The following FAM117B variants were observed in gnomAD, a reference collection of about 807,000 sequenced individuals.
FAM117B encodes the protein protein FAM117B.
Under a neutral mutation model 52.8 loss-of-function variants are expected in FAM117B, and 22 were observed. That is an observed-to-expected ratio of 0.42 (90% CI 0.30 to 0.59). The LOEUF is 0.59. Ranked by LOEUF, FAM117B falls within the 20% of genes least tolerant of loss-of-function variation. The pLI is 0.22. For missense variants in FAM117B, 678 were observed against 802.6 expected, an observed-to-expected ratio of 0.84 and a Z score of 1.88; for synonymous variants, 309 against 324.1, an observed-to-expected ratio of 0.95 and a Z score of 0.50.
intron 1 of FAM117B, among the ~76,000 whole-genome samples, chr2:202,648,965 G>A (rs1171501072): frequency 6.6e-6 from 1 of 151,772 alleles, no homozygotes; most frequent in East Asian, 1.9e-4. Context: ...TGTTGACCAG[G>A]CTGGTCTCGA....
intron 1 of FAM117B, among the ~76,000 whole-genome samples, chr2:202,666,668 CTTTTTTT>C (rs1157457357): frequency 2.4e-5 from 3 of 125,788 alleles, no homozygotes; most frequent in East Asian, 4.4e-4. Context: ...CGTTTCATTT[CTTTTTTT>C]TTTTTTTTTT....
At chr2:202,709,306 G>A (rs1407223168) in intron 2 of FAM117B, among the ~76,000 whole-genome samples, 4 of 151,584 alleles carry the variant, frequency 2.6e-5, no homozygotes, top group East Asian at 3.9e-4. Flanking sequence ...GGGTTCAAGC[G>A]ATTCTCATGT....
intron 2 of FAM117B, among the ~76,000 whole-genome samples, chr2:202,715,541 G>A (rs1359811588): frequency 2.0e-5 from 3 of 150,944 alleles, no homozygotes; most frequent in Non-Finnish European, 3.0e-5. Context: ...GGGCAGAGAC[G>A]CTCCTCACTT....
chr2:202,707,819 A>G (rs543452464), intron 2 of FAM117B, among the ~76,000 whole-genome samples: 180 of 151,150 alleles, frequency 1.2e-3, no homozygotes, highest in Admixed American at 2.6e-3. Flanking sequence ...CCCAGGCTGG[A>G]GTGCAGCAGT....
intron 4 of FAM117B, among the ~76,000 whole-genome samples, chr2:202,754,533 A>G (rs1691771540): frequency 6.6e-6 from 1 of 152,040 alleles, no homozygotes; most frequent in Non-Finnish European, 1.5e-5. Flanking sequence ...CCAGAATATA[A>G]ATAATTATAT....
chr2:202,654,090 A>AGAGG (rs1182810166), intron 1 of FAM117B, among the ~76,000 whole-genome samples: 5 of 145,656 alleles, frequency 3.4e-5, no homozygotes, highest in African/African-American at 5.6e-5. Flanking sequence ...AGAGAGAGAG[A>AGAGG]GAGAGAGTGA....
chr2:202,673,534 G>A (rs1559099222), intron 1 of FAM117B, among the ~76,000 whole-genome samples: 1 of 121,956 alleles, frequency 8.2e-6, no homozygotes, highest in Non-Finnish European at 1.6e-5. Context: ...TGCAACCTCC[G>A]CCTCCTGGGT....
At chr2:202,684,739 A>G (rs1300868326) in intron 1 of FAM117B, among the ~76,000 whole-genome samples, 1 of 152,190 alleles carries the variant, frequency 6.6e-6, no homozygotes, top group African/African-American at 2.4e-5. Context: ...TATATATTAA[A>G]TAAGATGTCT....
At chr2:202,702,754 T>C (rs985963143) in intron 2 of FAM117B, among the ~76,000 whole-genome samples, 15 of 152,134 alleles carry the variant, frequency 9.9e-5, no homozygotes, top group African/African-American at 3.6e-4. Context: ...GGGGTTTCAC[T>C]GTGTTAGCCA....
At chr2:202,725,922 TA>T (rs1037726346) in intron 3 of FAM117B, among the ~76,000 whole-genome samples, 1 of 152,236 alleles carries the variant, frequency 6.6e-6, no homozygotes, top group Admixed American at 6.5e-5. Flanking sequence ...TAAATTGAAA[TA>T]AAAATTAACT....
At chr2:202,686,377 T>C (rs903054110) in intron 1 of FAM117B, among the ~76,000 whole-genome samples, 30 of 152,240 alleles carry the variant, frequency 2.0e-4, no homozygotes, top group Non-Finnish European at 2.4e-4. Context: ...AAGGGAGACT[T>C]ACACTTGTCC....
chr2:202,757,517 C>A, intron 6 of FAM117B, 79 bp downstream of exon 6: 1 of 1,374,752 alleles, frequency 7.3e-7, no homozygotes, highest in Non-Finnish European at 1.0e-6. Flanking sequence ...CATTTTCTAG[C>A]AGAACACACA....
chr2:202,712,912 C>G (rs374986187), intron 2 of FAM117B, among the ~76,000 whole-genome samples: 5 of 152,206 alleles, frequency 3.3e-5, no homozygotes, highest in African/African-American at 7.2e-5. Context: ...AATAAATGAT[C>G]TTTTTAATGT....
chr2:202,648,974 G>A (rs1021929187), intron 1 of FAM117B, among the ~76,000 whole-genome samples: 18 of 151,096 alleles, frequency 1.2e-4, no homozygotes, highest in South Asian at 2.1e-4. Context: ...GGCTGGTCTC[G>A]AGCTCCTGAC....
chr2:202,702,422 A>G (rs956041516), intron 2 of FAM117B, among the ~76,000 whole-genome samples: 13 of 152,110 alleles, frequency 8.5e-5, no homozygotes, highest in Non-Finnish European at 1.9e-4. Context: ...AATAAAATAA[A>G]TAAAAAAGAA....
At chr2:202,670,191 A>T (rs1164416540) in intron 1 of FAM117B, among the ~76,000 whole-genome samples, 1 of 152,230 alleles carries the variant, frequency 6.6e-6, no homozygotes, top group Non-Finnish European at 1.5e-5. Flanking sequence ...AAGACATACC[A>T]ATTTGTTCCA....
rs1403691262 is a variant in FAM117B, at chr2:202,768,570, A to G, written c.*2806A>G. The G allele has an allele frequency of 6.6e-6, 1 of 152,530 alleles. No homozygotes were observed. Among genetic ancestry groups the G allele is most frequent in the Non-Finnish European group, 1.5e-5 (1 of 68,000 alleles). 9.4% of individuals were successfully genotyped at this position (152,530 alleles called of 1,614,324 possible). On this transcript the variant is annotated 3_prime_UTR_variant, in exon 8 of 8. Transcript: ENST00000392238. Reference sequence around the variant, plus strand: ...CACAGTCTTGAAAAAAATATTAACCATAGGTTCATTCAGCTGTTTTATTTA... The same window carrying G: ...CACAGTCTTGAAAAAAATATTAACCGTAGGTTCATTCAGCTGTTTTATTTA...
chr2:202,735,583 A>C (rs772247373), intron 4 of FAM117B, among the ~76,000 whole-genome samples: 1 of 152,164 alleles, frequency 6.6e-6, no homozygotes, highest in Non-Finnish European at 1.5e-5. Flanking sequence ...TCACATTTCA[A>C]AGGTTTCCCC....
intron 3 of FAM117B, among the ~76,000 whole-genome samples, chr2:202,725,836 A>G (rs558144540): frequency 1.3e-4 from 20 of 152,354 alleles, no homozygotes; most frequent in African/African-American, 4.8e-4. Flanking sequence ...ATCTGTGAAT[A>G]TATTTCATGA....
Sources: allele counts gnomAD v4.1 joint callset (sites outside exome capture counted in the v4.1 genomes callset), GRCh38; gene constraint gnomAD v4.1.1; transcripts MANE v1.5; gene names NCBI Gene and HGNC (gene_info 2026-07-23, HGNC 2026-07-21).